Variants in SIPA1 observed in about 807,000 individuals in gnomAD.
The protein encoded by SIPA1 is signal-induced proliferation-associated protein 1.
A neutral mutation model predicts 88.1 loss-of-function variants in SIPA1; 51 were observed. That is an observed-to-expected ratio of 0.58 (90% confidence interval 0.46 to 0.73). The LOEUF (loss-of-function observed/expected upper bound fraction) is 0.73. Ranked by LOEUF, SIPA1 falls within the 30% of genes least tolerant of loss-of-function variation. The probability of loss-of-function intolerance (pLI) is 0.00; values close to 1 mark genes in which losing one functional copy is unlikely to be tolerated. For synonymous variants in SIPA1, 681 were observed against 664.8 expected (o/e 1.02, Z -0.37); for missense variants, 1,348 against 1,467.6 (o/e 0.92, Z 1.33).
At position 65,642,534 on chromosome 11, in the gene SIPA1, G is replaced by A; in HGVS notation, c.879G>A (p.Arg293=). 2 of 1,607,792 alleles carry A rather than the reference G, an allele frequency of 1.2e-6. No homozygotes were observed. The highest frequency in any genetic ancestry group is 2.2e-5 in the South Asian group (2 of 90,700). ...GGCCCCCACGGGGTCTGTCCCCAAG[G>A]AAACTTCTGGAGCACGTGGCGCCGC... ...PPGPPRGLSP[R]KLLEHVAPQL... is the part of the protein sequence containing the mutation. Residue 293 remains arginine, a synonymous_variant, in exon 4 of 16, where the codon AGG becomes AGA. Transcript: ENST00000534313. The surrounding 1 kb of genome is among the most constrained non-coding windows in gnomAD (Gnocchi z 6.5).
In SIPA1 at chr11:65,647,634, C is replaced by G. The variant is rs548965400; in HGVS notation, c.2282C>G (p.Pro761Arg). ...AAGGTCTGCGTCACCGTCCTGCCCC[C>G]CGACGAGAGCGGCCGGCCCCGCAGG... is the stretch of plus-strand genomic sequence containing the variant. ...APKVCVTVLP[P>R]DESGRPRRSF... The change falls in exon 9 of 16, where the codon CCC becomes CGC. Residue 761 changes from proline to arginine, a missense_variant. Physicochemically the swap from Pro to Arg is moderately radical, Grantham distance 103. Coordinates refer to ENST00000534313, the MANE Select transcript of SIPA1 (RefSeq NM_006747.4). The G allele has an allele frequency of 1.3e-4, 175 of 1,391,636 alleles. No homozygotes were observed. Among genetic ancestry groups the G allele is most frequent in the Admixed American group, 6.3e-4 (19 of 30,234 alleles). The allele number at this position is 1,391,636 out of a possible 1,614,324, so 86.2% of individuals were successfully genotyped here. A position where few individuals can be genotyped will look rare whatever the true frequency, so the allele number is the denominator to read the frequency against.
Position 65,646,456 on chromosome 11 carries a change from G to C in SIPA1, c.1422G>C (p.Arg474Ser). 6.3e-7 allele frequency: 1 copy of C among 1,586,578 alleles called. No homozygotes were observed. The highest frequency in any genetic ancestry group is 1.3e-5 in the African/African-American group (1 of 74,652). The change falls in exon 8 of 16, where the codon AGG becomes AGC. Residue 474 changes from arginine (R) to serine (S), a missense_variant and splice_region_variant. By Grantham distance (110) the Arg-to-Ser change is moderately radical. This residue lies in a region of SIPA1 where 641 missense variants were observed against 797.7 expected (regional missense o/e 0.80). Transcript: ENST00000534313. This position sits in a 1 kb window ranked among gnomAD's most constrained non-coding sequence, Gnocchi z 7.5. Reference sequence around the variant, plus strand: ...CTCACTAACGCCTCCCTCCCCGCAGGGTGGCCGTGAGCCGCACCCAGGACA... The same window carrying C: ...CTCACTAACGCCTCCCTCCCCGCAGCGTGGCCGTGAGCCGCACCCAGGACA... ...HTPCTPHTTYRVAVSRTQDTP... is the reference protein window; with the variant it reads ...HTPCTPHTTYSVAVSRTQDTP...
At chr11:65,647,751 A>C in intron 9 of SIPA1, 93 bp downstream of exon 9, 1 of 1,034,612 alleles carries the variant, frequency 9.7e-7, no homozygotes, top group Non-Finnish European at 1.2e-6. Flanking sequence ...AGTTTCAGGA[A>C]CCCAGTGTGG....
Position 65,649,957 on chromosome 11 carries a change from G to A in SIPA1, c.2754G>A (p.Ser918=), listed in dbSNP as rs181019059. The A allele has an allele frequency of 1.1e-5, 18 of 1,614,016 alleles. No homozygotes were observed. The highest frequency in any genetic ancestry group is 4.0e-5 in the African/African-American group (3 of 75,030). Residue 918 remains serine (S), a synonymous_variant, in exon 13 of 16, where the codon TCG becomes TCA. Coordinates refer to ENST00000534313, the MANE Select transcript of SIPA1 (RefSeq NM_006747.4). ...SLRNSISRIM[S]EAGSGTLEDE... ...TGCTCCTTGTGCCCACAGTCATGTC[G>A]GAGGCGGGCAGTGGGACCCTGGAGG...
chr11:65,639,643 G>T (rs960915697), intron 1 of SIPA1, among the ~76,000 whole-genome samples: 2 of 152,142 alleles, frequency 1.3e-5, no homozygotes, highest in African/African-American at 4.8e-5. Context: ...CCCCAGTGGA[G>T]GTTCCCCAGC....
chr11:65,644,392 T>G (rs1233255284), intron 4 of SIPA1, among the ~76,000 whole-genome samples: 29 of 131,340 alleles, frequency 2.2e-4, no homozygotes, highest in African/African-American at 3.5e-4. Flanking sequence ...ATATGGGGAG[T>G]GGGGGGTGCA....
Position 65,647,448 on chromosome 11 carries a change from G to C in SIPA1, c.2096G>C (p.Gly699Ala), listed in dbSNP as rs770923686. Residue 699 changes from glycine (G) to alanine (A), a missense_variant, in exon 9 of 16, where the codon GGC becomes GCC. Physicochemically the swap from Gly to Ala is moderately conservative, Grantham distance 60. This residue lies in a region of SIPA1 where 615 missense variants were observed against 559.8 expected (regional missense o/e 1.10). Transcript: ENST00000534313. ...CCCCGCGACGGTCAAGGCCGCCTGGGCTTCGAGGTGGACGCCGAGGGATTC... is the reference window on the plus strand; with the variant it reads ...CCCCGCGACGGTCAAGGCCGCCTGGCCTTCGAGGTGGACGCCGAGGGATTC... Reference protein sequence around the residue: ...ALPRDGQGRLGFEVDAEGFVT... With the variant: ...ALPRDGQGRLAFEVDAEGFVT... 6.7e-7 allele frequency: 1 copy of C among 1,481,516 alleles called. No individual in the cohort carries two copies. The highest frequency in any genetic ancestry group is 8.9e-7 in the Non-Finnish European group (1 of 1,124,292). The allele number at this position is 1,481,516 out of a possible 1,614,324, so 91.8% of individuals were successfully genotyped here.
intron 9 of SIPA1, 69 bp from the exon 10 acceptor site, chr11:65,649,193 G>C: frequency 8.7e-7 from 1 of 1,143,524 alleles, no homozygotes. Context: ...TGGCGGGCTG[G>C]GGGTGGGGCT....
rs556138902 is a variant in SIPA1 at position 65,640,858 on chromosome 11, C to T, written c.-64C>T. 926 of 1,367,206 alleles carry T rather than the reference C, an allele frequency of 6.8e-4. 7 individuals are homozygous for T. The African/African-American group carries it at 0.012, about 18-fold the overall frequency. 84.7% of individuals were successfully genotyped at this position (1,367,206 alleles called of 1,614,324 possible). On this transcript the variant is annotated 5_prime_UTR_variant, in exon 2 of 16. Coordinates refer to ENST00000534313, the MANE Select transcript of SIPA1 (RefSeq NM_006747.4). ...CAGGAACTGCTGCCACAACCTCAGG[C>T]TGGGCACCAAACACCCGTGCCCGCC... is the stretch of plus-strand genomic sequence containing the variant.
chr11:65,649,451 G>C lies in SIPA1; in HGVS notation c.2496G>C (p.Leu832=). 6.2e-7 allele frequency: 1 copy of C among 1,610,056 alleles called. No individual in the cohort carries two copies. The highest frequency in any genetic ancestry group is 8.5e-7 in the Non-Finnish European group (1 of 1,178,094). ...GDLAEERTEF[L]HSQNSLSPRS... is the part of the protein sequence containing the mutation. Reference sequence around the variant, plus strand: ...TGGCCGAGGAGAGGACTGAGTTCCTGCACAGCCAGAACTCGCTGTCACCAC... The same window carrying C: ...TGGCCGAGGAGAGGACTGAGTTCCTCCACAGCCAGAACTCGCTGTCACCAC... The change falls in exon 10 of 16, where the codon CTG becomes CTC. Residue 832 remains leucine, a synonymous_variant. Transcript: ENST00000534313.
intron 9 of SIPA1, among the ~76,000 whole-genome samples, chr11:65,648,784 T>C: frequency 6.6e-6 from 1 of 151,074 alleles, no homozygotes; most frequent in South Asian, 2.1e-4. Flanking sequence ...TGCCATGAGC[T>C]GTGATCGCGC....
rs1313624002 is a variant in SIPA1 at position 65,640,848 on chromosome 11, C to A, written c.-74C>A. ...TCCTTCAGGGCAGGAACTGCTGCCA[C>A]AACCTCAGGCTGGGCACCAAACACC... is the stretch of plus-strand genomic sequence containing the variant. On this transcript the variant is annotated 5_prime_UTR_variant, in exon 2 of 16. Coordinates refer to ENST00000534313, the MANE Select transcript of SIPA1 (RefSeq NM_006747.4). The A allele has an allele frequency of 2.9e-5, 38 of 1,331,852 alleles. No homozygotes were observed. Among genetic ancestry groups the A allele is most frequent in the Non-Finnish European group, 3.5e-5 (35 of 1,011,684 alleles). 82.5% of individuals were successfully genotyped at this position (1,331,852 alleles called of 1,614,324 possible).
In SIPA1 at chr11:65,642,489, G is replaced by T; in HGVS notation, c.834G>T (p.Ser278=). 6.2e-7 allele frequency: 1 copy of T among 1,611,456 alleles called. No homozygotes were observed. The highest frequency in any genetic ancestry group is 8.5e-7 in the Non-Finnish European group (1 of 1,179,572). Residue 278 remains serine, a synonymous_variant, in exon 4 of 16, where the codon TCG becomes TCT. Transcript: ENST00000534313. The surrounding 1 kb of genome is among the most constrained non-coding windows in gnomAD (Gnocchi z 6.5). ...TCCGGACACTCCGTGGCACCATCTCGGAGGACGCGCTGCCGCCGGGGCCCC... is the reference window on the plus strand; with the variant it reads ...TCCGGACACTCCGTGGCACCATCTCTGAGGACGCGCTGCCGCCGGGGCCCC... ...TQLRTLRGTI[S]EDALPPGPPR... is the part of the protein sequence containing the mutation.
intron 5 of SIPA1, 28 bp from the exon 6 acceptor site, chr11:65,645,826 T>C: frequency 6.5e-7 from 1 of 1,547,298 alleles, no homozygotes. Flanking sequence ...TGTTTTCTCC[T>C]TCTGTGTCCC....
In SIPA1 at chr11:65,646,389, G is replaced by A. The variant is rs764971414; in HGVS notation, c.1421+11G>A. ...ACACACCACCTACAGGTGGGCACCG[G>A]AGTGGTCCCAGGTCTCCCGTGGGCA... On this transcript the variant is annotated intron_variant, in intron 7 of 15. Transcript: ENST00000534313. The surrounding 1 kb of genome is among the most constrained non-coding windows in gnomAD (Gnocchi z 7.5). 5.0e-6 allele frequency: 8 copies of A among 1,607,728 alleles called. No individual in the cohort carries two copies. The highest frequency in any genetic ancestry group is 6.8e-6 in the Non-Finnish European group (8 of 1,179,674).
Position 65,640,935 on chromosome 11 carries a change from C to G in SIPA1, c.14C>G (p.Ala5Gly). The stretch of plus-strand genomic sequence containing the variant: ...GGCCCACAGAGCATGCCCATGTGGG[C>G]CGGCGGTGTGGGGAGCCCTCGGCGG... MPMWAGGVGSPRRGM... is the reference protein window; with the variant it reads MPMWGGGVGSPRRGM... The change falls in exon 2 of 16, where the codon GCC becomes GGC. Residue 5 changes from alanine to glycine, a missense_variant. Ala to Gly is a moderately conservative substitution (Grantham distance 60). This residue lies in a region of SIPA1 where 641 missense variants were observed against 797.7 expected (regional missense o/e 0.80). Coordinates refer to ENST00000534313, the MANE Select transcript of SIPA1 (RefSeq NM_006747.4). The G allele has an allele frequency of 6.6e-7, 1 of 1,521,556 alleles. No homozygotes were observed. The highest frequency in any genetic ancestry group is 8.7e-7 in the Non-Finnish European group (1 of 1,143,434). 94.3% of individuals were successfully genotyped at this position (1,521,556 alleles called of 1,614,324 possible).
chr11:65,640,458 G>A (rs1855978489), intron 1 of SIPA1, among the ~76,000 whole-genome samples: 1 of 152,200 alleles, frequency 6.6e-6, no homozygotes, highest in Non-Finnish European at 1.5e-5. Flanking sequence ...TGGCCCCTGG[G>A]TTTCCCGTCC....
Position 65,641,049 on chromosome 11 carries a change from C to T in SIPA1, c.128C>T (p.Pro43Leu), listed in dbSNP as rs759320086. The change falls in exon 2 of 16, where the codon CCG becomes CTG. Residue 43 changes from proline to leucine, a missense_variant. Transcript: ENST00000534313. The part of the protein sequence containing the change: ...RPPLTPHTFE[P>L]RPVRGPLLRS... ...CCGCTGACACCGCACACCTTCGAGC[C>T]GAGGCCAGTCCGGGGCCCACTCCTG... The T allele has an allele frequency of 3.1e-5, 49 of 1,595,334 alleles. No homozygotes were observed. Among genetic ancestry groups the T allele is most frequent in the Admixed American group, 8.6e-5 (5 of 57,946 alleles).
rs897364876 is a variant in SIPA1 at position 65,641,152 on chromosome 11, G to A, written c.231G>A (p.Glu77=). Residue 77 remains glutamate (E), a synonymous_variant, in exon 2 of 16, where the codon GAG becomes GAA. Transcript: ENST00000534313. ...GTGCCCGTGCCCACAGCCACGAAGA[G>A]GCCAGCCGACCTGCAGCCACTTCCA... is the stretch of plus-strand genomic sequence containing the variant. The part of the protein sequence containing the change: ...SPRARAHSHE[E]ASRPAATSTR... 10 of 1,605,918 alleles carry A rather than the reference G, an allele frequency of 6.2e-6. No individual in the cohort carries two copies. The highest frequency in any genetic ancestry group is 1.7e-5 in the Admixed American group (1 of 60,006).
Sources: allele counts gnomAD v4.1 joint callset (sites outside exome capture counted in the v4.1 genomes callset), GRCh38; gene constraint gnomAD v4.1.1; regional missense constraint gnomAD v4.1.1; non-coding constraint Gnocchi (gnomAD v3.1); transcripts MANE v1.5; gene names NCBI Gene and HGNC (gene_info 2026-07-23, HGNC 2026-07-21).